WDFY3: variants seen among roughly 807,000 people sequenced by gnomAD.
WDFY3 encodes WD repeat and FYVE domain containing 3.
In WDFY3, 66 loss-of-function variants were observed where a neutral mutation model predicts 409.6. The observed-to-expected ratio is 0.16, with a 90% CI of 0.13 to 0.20. The LOEUF (loss-of-function observed/expected upper bound fraction) is 0.20. WDFY3 is among the 10% of genes least tolerant of loss of function. WDFY3 has a pLI of 1.00. For missense variants in WDFY3, 3,031 were observed against 4,298.1 expected, an observed-to-expected ratio of 0.71 and a Z score of 8.24; for synonymous variants, 1,521 against 1,537.1, an observed-to-expected ratio of 0.99 and a Z score of 0.25.
intron 3 of WDFY3, among the ~76,000 whole-genome samples, chr4:84,875,985 T>C (rs553882184): frequency 3.5e-4 from 53 of 152,360 alleles, no homozygotes; most frequent in African/African-American, 1.3e-3. Context: ...ATTAAAAGTA[T>C]AGTATAGTAA....
intron 62 of WDFY3, 102 bp from the exon 63 acceptor site, chr4:84,684,227 C>T: frequency 8.3e-7 from 1 of 1,209,800 alleles, no homozygotes; most frequent in Non-Finnish European, 1.1e-6. Flanking sequence ...GAAAGCCTTT[C>T]AGTCCTAAGA....
At chr4:84,821,628 A>G in intron 10 of WDFY3, 77 bp from the exon 11 acceptor site, 2 of 1,162,190 alleles carry the variant, frequency 1.7e-6, no homozygotes, top group South Asian at 1.6e-5. Flanking sequence ...GTTTAAACAC[A>G]TCATGAATTA....
Position 84,787,503 on chromosome 4 carries a change from A to C in WDFY3, c.3880T>G (p.Phe1294Val). 6.2e-7 allele frequency: 1 copy of C among 1,614,170 alleles called. No individual in the cohort carries two copies. The highest frequency in any genetic ancestry group is 8.5e-7 in the Non-Finnish European group (1 of 1,179,984). ...TCACATGGCATACATACAGCCTGAA[A>C]GCTTCCAACATAATTTGGTCCAAGT... ...YELGPNYVGS[F>V]QAVCMPCKDA... is the part of the protein sequence containing the mutation. Residue 1294 changes from phenylalanine (F) to valine (V), a missense_variant, in exon 23 of 68, where the codon TTT becomes GTT. Physicochemically the swap from Phe to Val is conservative, Grantham distance 50 (BLOSUM62 -1). Around this residue, in one of 16 missense-constraint regions of WDFY3, gnomAD observed 1,322 missense variants for 1,697.9 expected, o/e 0.78. Transcript: ENST00000295888.
At position 84,736,528 on chromosome 4, in the gene WDFY3, A is replaced by T. The variant is rs572700307; in HGVS notation, c.6758-201T>A. Among the ~76,000 whole-genome samples the T allele has an allele frequency of 3.5e-3, 521 of 148,168 alleles. 1 individual carries two copies. Among genetic ancestry groups the T allele is most frequent in the South Asian group, 8.2e-3 (35 of 4,284 alleles). On this transcript the variant is annotated intron_variant, in intron 41 of 67. Transcript: ENST00000295888. ...GACTGCTCGCAAATTGTATTAGCTG[A>T]ACTGATAGTTGGTTGAAAGTTCACA...
intron 56 of WDFY3, among the ~76,000 whole-genome samples, chr4:84,698,290 A>ATAT (rs1056084586): frequency 1.0e-4 from 15 of 145,744 alleles, no homozygotes; most frequent in African/African-American, 3.7e-4. Context: ...ATATATATAT[A>ATAT]TTTTTTTTTT....
chr4:84,719,072 T>C (rs1002659472), intron 47 of WDFY3, among the ~76,000 whole-genome samples: 6 of 152,230 alleles, frequency 3.9e-5, no homozygotes, highest in African/African-American at 1.4e-4. Context: ...AGCCTCCATG[T>C]CTTTTTTTGT....
At chr4:84,939,355 C>T (rs539376320) in intron 1 of WDFY3, among the ~76,000 whole-genome samples, 2 of 152,124 alleles carry the variant, frequency 1.3e-5, no homozygotes, top group Non-Finnish European at 2.9e-5. Context: ...GTTGTTGGAT[C>T]GCACCAATGC....
chr4:84,765,965 T>C lies in WDFY3; in HGVS notation c.5033A>G (p.His1678Arg), dbSNP rs758240073. 1 of 1,614,046 alleles carries C rather than the reference T, an allele frequency of 6.2e-7. No homozygotes were observed. Among genetic ancestry groups the C allele is most frequent in the Non-Finnish European group, 8.5e-7 (1 of 1,179,964 alleles). ...FDWIMMFMEEHLHSTTVTAAM... is the reference protein window; with the variant it reads ...FDWIMMFMEERLHSTTVTAAM... ...TGCTGTAACTGTGGTGGAATGTAAG[T>C]GTTCCTCCATAAACATCATGATCCA... The change falls in exon 32 of 68, where the codon CAC becomes CGC. Residue 1678 changes from histidine (H) to arginine (R), a missense_variant. Transcript: ENST00000295888.
chr4:84,958,663 A>G (rs1561165156), intron 1 of WDFY3, among the ~76,000 whole-genome samples: 1 of 152,188 alleles, frequency 6.6e-6, no homozygotes, highest in South Asian at 2.1e-4. Flanking sequence ...AGAGGATGCA[A>G]TCTAGGCTCA....
chr4:84,691,610 T>C, intron 60 of WDFY3, 21 bp downstream of exon 60: 2 of 1,610,812 alleles, frequency 1.2e-6, no homozygotes, highest in Non-Finnish European at 1.7e-6. Flanking sequence ...ATTAAATGAG[T>C]AGGCAGGAAA....
At chr4:84,897,561 A>T (rs1765805816) in intron 2 of WDFY3, among the ~76,000 whole-genome samples, 2 of 152,020 alleles carry the variant, frequency 1.3e-5, no homozygotes, top group Non-Finnish European at 2.9e-5. Context: ...TTTTACATTT[A>T]GTAGAGACAG....
chr4:84,959,411 G>A (rs1774646199), intron 1 of WDFY3, among the ~76,000 whole-genome samples: 1 of 152,142 alleles, frequency 6.6e-6, no homozygotes, highest in Non-Finnish European at 1.5e-5. Context: ...ACGTGAGACT[G>A]CAGTTAAGTA....
At chr4:84,770,316 C>T (rs1187215582) in intron 30 of WDFY3, among the ~76,000 whole-genome samples, 1 of 152,150 alleles carries the variant, frequency 6.6e-6, no homozygotes, top group African/African-American at 2.4e-5. Flanking sequence ...GTGTGAGCCA[C>T]CGCGCCCGGC....
At position 84,759,560 on chromosome 4, in the gene WDFY3, G is replaced by C. The variant is rs550390528; in HGVS notation, c.5189-2399C>G. ...GATTCCTAGGTATTTTATTCTCTTT[G>C]AAGCAATTGTGAATGGGAGTTCACT... is the stretch of plus-strand genomic sequence containing the variant. On this transcript the variant is annotated intron_variant, in intron 32 of 67. Transcript: ENST00000295888. Among the ~76,000 whole-genome samples the C allele has an allele frequency of 6.0e-5, 9 of 150,470 alleles. No individual in the cohort carries two copies. The South Asian group carries it at 1.9e-3, about 32-fold the overall frequency.
At chr4:84,886,332 TAA>T (rs1561004225) in intron 3 of WDFY3, 2 of 152,134 alleles carry the variant, frequency 1.3e-5, no homozygotes. Context: ...ATTCATTTCT[TAA>T]GTTAGTCTCA....
rs772679033 is a variant in WDFY3 at position 84,679,167 on chromosome 4, G to C, written c.9899C>G (p.Thr3300Ser). 5 of 1,613,008 alleles carry C rather than the reference G, an allele frequency of 3.1e-6. No individual in the cohort carries two copies. Among genetic ancestry groups the C allele is most frequent in the East Asian group, 4.5e-5 (2 of 44,830 alleles). ...EQSISQDPKDTPSQPSSTSHR... is the reference protein window; with the variant it reads ...EQSISQDPKDSPSQPSSTSHR... ...GCTGGTGCTGCTGGGTTGGCTTGGA[G>C]TGTCCTTAGGGTCCTGGCTGATGCT... The change falls in exon 65 of 68, where the codon ACT (threonine) becomes AGT (serine). Residue 3300 changes from threonine to serine, a missense_variant. Physicochemically the swap from Thr to Ser is moderately conservative, Grantham distance 58. Coordinates refer to ENST00000295888, the MANE Select transcript of WDFY3 (RefSeq NM_014991.6).
chr4:84,801,863 T>C lies in WDFY3; in HGVS notation c.2609A>G (p.His870Arg). 3 of 1,613,152 alleles carry C rather than the reference T, an allele frequency of 1.9e-6. No homozygotes were observed. The highest frequency in any genetic ancestry group is 2.5e-6 in the Non-Finnish European group (3 of 1,179,202). ...ASVGSVTQPE[H>R]ALDLQLAVAN... ...CACGGCAAGTTGAAGATCCAAAGCA[T>C]GCTAAAATCAACAAAGAAATCCACA... is the stretch of plus-strand genomic sequence containing the variant. The change falls in exon 17 of 68, where the codon CAT (histidine) becomes CGT (arginine). Residue 870 changes from histidine to arginine, a missense_variant and splice_region_variant. This residue lies in a region of WDFY3 where 1,322 missense variants were observed against 1,697.9 expected (regional missense o/e 0.78). Coordinates refer to ENST00000295888, the MANE Select transcript of WDFY3 (RefSeq NM_014991.6).
At chr4:84,709,210 T>C (rs762191771) in intron 52 of WDFY3, 83 bp downstream of exon 52, 150 of 1,437,244 alleles carry the variant, frequency 1.0e-4, no homozygotes, top group Non-Finnish European at 1.4e-4. Flanking sequence ...ATATATTTTA[T>C]GGATAATTAA....
At chr4:84,701,018 G>A (rs1468984010) in intron 56 of WDFY3, among the ~76,000 whole-genome samples, 3 of 152,218 alleles carry the variant, frequency 2.0e-5, no homozygotes, top group Admixed American at 1.3e-4. Context: ...GCTGCAGCAC[G>A]AGAATTGCTT....
Sources: allele counts gnomAD v4.1 joint callset (sites outside exome capture counted in the v4.1 genomes callset), GRCh38; gene constraint gnomAD v4.1.1; regional missense constraint gnomAD v4.1.1; transcripts MANE v1.5; gene names NCBI Gene and HGNC (gene_info 2026-07-23, HGNC 2026-07-21).